The following XXYLT1 variants were observed in gnomAD, a reference collection of about 807,000 sequenced individuals.
XXYLT1 encodes the protein UDP-xylose:alpha-xyloside alpha-1,3-xylosyltransferase.
A neutral mutation model predicts 28.9 loss-of-function variants in XXYLT1; 20 were observed. The observed-to-expected ratio is 0.69, with a 90% confidence interval of 0.49 to 1.00. XXYLT1 has a LOEUF of 1.00. Ranked by LOEUF, XXYLT1 falls within the 50% of genes least tolerant of loss-of-function variation. XXYLT1 has a pLI of 0.00. For missense variants in XXYLT1, 542 were observed against 560.1 expected, an observed-to-expected ratio of 0.97 and a Z score of 0.33; for synonymous variants, 257 against 253.8, an observed-to-expected ratio of 1.01 and a Z score of -0.12.
intron 3 of XXYLT1, among the ~76,000 whole-genome samples, chr3:195,102,314 C>T (rs1042328719): frequency 2.0e-5 from 3 of 151,912 alleles, no homozygotes; most frequent in Admixed American, 6.6e-5. Flanking sequence ...AAACTCTTTT[C>T]GCAAAATTCA....
chr3:195,241,640 C>T (rs1724779777), intron 1 of XXYLT1, among the ~76,000 whole-genome samples: 1 of 152,140 alleles, frequency 6.6e-6, no homozygotes, highest in Non-Finnish European at 1.5e-5. Context: ...GACACCTGAA[C>T]ACCCCAGGGC....
intron 3 of XXYLT1, among the ~76,000 whole-genome samples, chr3:195,089,214 C>T: frequency 6.6e-6 from 1 of 151,836 alleles, no homozygotes. Flanking sequence ...AACTCCAAGA[C>T]ACATAATTGT....
rs7634710 is a variant in XXYLT1, at chr3:195,101,995, G to C, written c.786-31884C>G. On this transcript the variant is annotated intron_variant, in intron 3 of 3. Coordinates refer to ENST00000310380, the MANE Select transcript of XXYLT1 (RefSeq NM_152531.5). ...GGGGAGGGAGGGATGCGGGGAGGGA[G>C]GACAGAAAGAAAGTAAAGAAACAGA... Among the ~76,000 whole-genome samples the C allele has an allele frequency of 3.2e-3, 317 of 98,672 alleles. 10 individuals carry two copies. Among genetic ancestry groups the C allele is most frequent in the South Asian group, 0.012 (31 of 2,564 alleles). The allele number at this position is 98,672 out of a possible 152,430, so 64.7% of individuals were successfully genotyped here.
chr3:195,143,861 TATAG>T (rs1388817166), intron 3 of XXYLT1, among the ~76,000 whole-genome samples: 13 of 100,826 alleles, frequency 1.3e-4, no homozygotes, highest in African/African-American at 5.0e-4. Flanking sequence ...TATAGATATA[TATAG>T]ATATAGATAT....
intron 2 of XXYLT1, among the ~76,000 whole-genome samples, chr3:195,181,265 G>A (rs1327162996): frequency 7.0e-6 from 1 of 143,122 alleles, no homozygotes; most frequent in Non-Finnish European, 1.5e-5. Flanking sequence ...CTGTGTATCT[G>A]CGTGGCTGCG....
intron 3 of XXYLT1, among the ~76,000 whole-genome samples, chr3:195,111,947 T>C (rs1342966148): frequency 1.3e-5 from 2 of 152,212 alleles, no homozygotes; most frequent in African/African-American, 2.4e-5. Context: ...GTGCCTGCTC[T>C]ACATGCAAAG....
At chr3:195,167,593 AAT>A (rs1331362820) in intron 2 of XXYLT1, among the ~76,000 whole-genome samples, 1 of 151,674 alleles carries the variant, frequency 6.6e-6, no homozygotes. Flanking sequence ...CTCCATCTCA[AAT>A]ATATATATAT....
At chr3:195,119,934 G>A (rs1388520391) in intron 3 of XXYLT1, among the ~76,000 whole-genome samples, 3 of 150,774 alleles carry the variant, frequency 2.0e-5, no homozygotes, top group South Asian at 2.1e-4. Context: ...GGGGCTGGGC[G>A]GGGCGGGGGG....
rs1405644775 is a variant in XXYLT1 at position 195,240,471 on chromosome 3, A to C, written c.505-13615T>G. ...TAGCTCCATTTGGTGGAGAAAACTAATTTTATCACTTGGCCGGCCCCACTG... is the reference window on the plus strand; with the variant it reads ...TAGCTCCATTTGGTGGAGAAAACTACTTTTATCACTTGGCCGGCCCCACTG... On this transcript the variant is annotated intron_variant, in intron 1 of 3. Coordinates refer to ENST00000310380, the MANE Select transcript of XXYLT1 (RefSeq NM_152531.5). This position sits in a 1 kb window ranked among gnomAD's most constrained non-coding sequence, Gnocchi z 4.7. Among the ~76,000 whole-genome samples, 1 of 152,216 alleles carries C rather than the reference A, an allele frequency of 6.6e-6. No individual in the cohort carries two copies. Among genetic ancestry groups the C allele is most frequent in the East Asian group, 1.9e-4 (1 of 5,198 alleles).
At chr3:195,099,349 C>G (rs1030468606) in intron 3 of XXYLT1, among the ~76,000 whole-genome samples, 1 of 152,206 alleles carries the variant, frequency 6.6e-6, no homozygotes. Flanking sequence ...ATCATGACCA[C>G]AGAGAGACAT....
rs1379933786 is a variant in XXYLT1, at chr3:195,195,646, C to T, written c.652+31063G>A. Among the ~76,000 whole-genome samples, 1 of 152,234 alleles carries T rather than the reference C, an allele frequency of 6.6e-6. No individual in the cohort carries two copies. The highest frequency in any genetic ancestry group is 2.4e-5 in the African/African-American group (1 of 41,460). On this transcript the variant is annotated intron_variant, in intron 2 of 3. Transcript: ENST00000310380. The surrounding 1 kb of genome is among the most constrained non-coding windows in gnomAD (Gnocchi z 4.4). ...AAGCTTTTGTGCCCTGGTCCCTTCA[C>T]TCTGGCAGTTCCCCTACTGCCCAGC...
intron 1 of XXYLT1, among the ~76,000 whole-genome samples, chr3:195,268,839 C>T (rs1297789969): frequency 1.3e-5 from 2 of 152,134 alleles, no homozygotes; most frequent in Admixed American, 6.5e-5. Flanking sequence ...AGGAGGGGCT[C>T]GGCCCTGAGG....
chr3:195,160,140 C>A (rs945113464), intron 2 of XXYLT1, among the ~76,000 whole-genome samples: 2 of 152,142 alleles, frequency 1.3e-5, no homozygotes, highest in African/African-American at 2.4e-5. Context: ...CCTTTCCCTT[C>A]TCCTATCCCC....
chr3:195,108,831 C>T (rs1717290978), intron 3 of XXYLT1, among the ~76,000 whole-genome samples: 1 of 152,192 alleles, frequency 6.6e-6, no homozygotes, highest in Non-Finnish European at 1.5e-5. Flanking sequence ...GTGACTATAA[C>T]TCAATTTCAC....
intron 3 of XXYLT1, among the ~76,000 whole-genome samples, chr3:195,109,490 GGTATGTGTAC>G (rs1717342957): frequency 9.9e-6 from 1 of 100,892 alleles, no homozygotes; most frequent in South Asian, 3.0e-4. Context: ...GTGTGTGTGA[GGTATGTGTAC>G]GTGTGTGGTG....
In XXYLT1 at chr3:195,164,920, G is replaced by A. The variant is rs112053158; in HGVS notation, c.653-8339C>T. Among the ~76,000 whole-genome samples the A allele has an allele frequency of 1.5e-3, 232 of 152,268 alleles. 2 individuals are homozygous for A. The highest frequency in any genetic ancestry group is 5.4e-3 in the African/African-American group (226 of 41,544). On this transcript the variant is annotated intron_variant, in intron 2 of 3. Coordinates refer to ENST00000310380, the MANE Select transcript of XXYLT1 (RefSeq NM_152531.5). ...GGAGTCCGTTATGGGAAGTGACTAA[G>A]CGGGTTTCTTGGTGGTGAAATGTGT... is the stretch of plus-strand genomic sequence containing the variant.
rs191139202 is a variant in XXYLT1 at position 195,252,505 on chromosome 3, T to C, written c.504+18050A>G. On this transcript the variant is annotated intron_variant, in intron 1 of 3. Coordinates refer to ENST00000310380, the MANE Select transcript of XXYLT1 (RefSeq NM_152531.5). ...GTGAGAGGCAAAAAGCGGGGCTGTG[T>C]AATATAAATTAGCAGGAAAAATTCT... Among the ~76,000 whole-genome samples, 272 of 152,232 alleles carry C rather than the reference T, an allele frequency of 1.8e-3. 1 individual carries two copies. Among genetic ancestry groups the C allele is most frequent in the African/African-American group, 5.1e-3 (213 of 41,538 alleles).
chr3:195,074,122 C>A (rs1444572631), intron 3 of XXYLT1, among the ~76,000 whole-genome samples: 1 of 152,106 alleles, frequency 6.6e-6, no homozygotes, highest in Non-Finnish European at 1.5e-5. Context: ...CTCCTCAGGT[C>A]GAGTTCACCA....
In XXYLT1 at chr3:195,088,344, G is replaced by C. The variant is rs551823081; in HGVS notation, c.786-18233C>G. 2.1e-3 allele frequency among the ~76,000 whole-genome samples: 318 copies of C among 148,638 alleles called. 7 individuals are homozygous for C. The highest frequency in any genetic ancestry group is 4.0e-3 in the Admixed American group (59 of 14,682). ...AGCACGCAGCTGGAGATCTGAGAAC[G>C]GGCAGACTGCCTCCTCAAGTGGGTC... On this transcript the variant is annotated intron_variant, in intron 3 of 3. Coordinates refer to ENST00000310380, the MANE Select transcript of XXYLT1 (RefSeq NM_152531.5).
Sources: gnomAD v4.1 joint callset for allele counts (sites outside exome capture counted in the v4.1 genomes callset) on GRCh38, gnomAD v4.1.1 for gene constraint, Gnocchi (gnomAD v3.1) non-coding constraint, MANE v1.5 for transcripts, NCBI Gene and HGNC (gene_info 2026-07-23, HGNC 2026-07-21) for gene names.